EYS: variants seen among roughly 807,000 people sequenced by gnomAD.
The protein encoded by EYS is protein eyes shut homolog.
A neutral mutation model predicts 282.1 loss-of-function variants in EYS; 250 were observed. The ratio of observed to expected loss-of-function variants is 0.89; its 90% CI spans 0.80 to 0.98. The LOEUF (loss-of-function observed/expected upper bound fraction) is 0.98. EYS is among the 50% of genes least tolerant of loss of function. The pLI is 0.00. For missense variants in EYS, 4,016 were observed against 3,709.0 expected, an observed-to-expected ratio of 1.08 and a Z score of -2.15; for synonymous variants, 1,355 against 1,282.9, an observed-to-expected ratio of 1.06 and a Z score of -1.20.
intron 31 of EYS, among the ~76,000 whole-genome samples, chr6:64,197,078 G>A (rs13203058): frequency 0.26 from 38,825 of 151,708 alleles, 5,450 homozygotes; most frequent in East Asian, 0.44. Context: ...TATCACCTAG[G>A]TCTCAGGGCG....
intron 26 of EYS, among the ~76,000 whole-genome samples, chr6:64,561,729 T>A (rs1361683890): frequency 6.6e-6 from 1 of 151,860 alleles, no homozygotes; most frequent in Non-Finnish European, 1.5e-5. Flanking sequence ...AGAATCAATA[T>A]CATTAAAATG....
intron 41 of EYS, among the ~76,000 whole-genome samples, chr6:63,759,657 A>G (rs1769582302): frequency 6.6e-6 from 1 of 152,128 alleles, no homozygotes; most frequent in Admixed American, 6.6e-5. Flanking sequence ...GTGGGATTGA[A>G]AGTAGTGAAA....
At chr6:65,046,069 GGT>G (rs1773091393) in intron 13 of EYS, among the ~76,000 whole-genome samples, 4 of 151,812 alleles carry the variant, frequency 2.6e-5, no homozygotes, top group Non-Finnish European at 5.9e-5. Flanking sequence ...AGACTCAAGA[GGT>G]GGGATTACAT....
At chr6:64,763,795 G>A (rs974542848) in intron 22 of EYS, among the ~76,000 whole-genome samples, 1 of 151,996 alleles carries the variant, frequency 6.6e-6, no homozygotes, top group Non-Finnish European at 1.5e-5. Flanking sequence ...TACACAAATT[G>A]GATAAATCCT....
At chr6:64,035,504 A>C (rs1582176644) in intron 33 of EYS, among the ~76,000 whole-genome samples, 1 of 152,326 alleles carries the variant, frequency 6.6e-6, no homozygotes, top group South Asian at 2.1e-4. Flanking sequence ...GGTCTTGCAA[A>C]TACTCCGATG....
At chr6:64,193,317 CTT>C (rs902068121) in intron 31 of EYS, among the ~76,000 whole-genome samples, 1 of 146,750 alleles carries the variant, frequency 6.8e-6, no homozygotes. Flanking sequence ...ATTGTTTTTT[CTT>C]TTTTTTTTGG....
chr6:64,688,386 C>CT (rs1334473645), intron 22 of EYS, among the ~76,000 whole-genome samples: 1 of 152,138 alleles, frequency 6.6e-6, no homozygotes, highest in African/African-American at 2.4e-5. Context: ...CCTCTACACA[C>CT]TGCTTTGAAT....
chr6:64,093,486 A>T (rs1772452519), intron 31 of EYS, among the ~76,000 whole-genome samples: 1 of 152,014 alleles, frequency 6.6e-6, no homozygotes, highest in Admixed American at 6.5e-5. Context: ...TGTCAGTTGG[A>T]TTCCTAGGTA....
intron 37 of EYS, among the ~76,000 whole-genome samples, chr6:63,802,508 T>G (rs1467569680): frequency 1.3e-5 from 2 of 151,928 alleles, no homozygotes; most frequent in Non-Finnish European, 2.9e-5. Context: ...GCACCTAAGA[T>G]TCTTGATAAA....
chr6:64,230,626 A>G lies in EYS; in HGVS notation c.6390T>C (p.Cys2130=). Residue 2130 remains cysteine, a synonymous_variant, in exon 31 of 43, where the codon TGT becomes TGC. Transcript: ENST00000503581. ...SSGIVSFQCD[C]PLHFTGRFCE... ...AGAAGCGGCCAGTGAAATGTAGTGG[A>G]CAGTCACATTGGAATGACACTATGC... 2.6e-6 allele frequency: 4 copies of G among 1,551,390 alleles called. No individual in the cohort carries two copies. Among genetic ancestry groups the G allele is most frequent in the African/African-American group, 2.7e-5 (2 of 73,168 alleles).
intron 26 of EYS, among the ~76,000 whole-genome samples, chr6:64,470,530 G>A (rs2150491896): frequency 6.6e-6 from 1 of 152,080 alleles, no homozygotes; most frequent in Non-Finnish European, 1.5e-5. Context: ...TTTTGCCCTG[G>A]TTTACACTGG....
chr6:64,308,493 A>C (rs1769543262), intron 29 of EYS, among the ~76,000 whole-genome samples: 1 of 152,068 alleles, frequency 6.6e-6, no homozygotes, highest in South Asian at 2.1e-4. Flanking sequence ...ATAAGCTCTT[A>C]ATATTACTAA....
At chr6:64,840,212 G>A (rs2150034241) in intron 19 of EYS, among the ~76,000 whole-genome samples, 1 of 152,158 alleles carries the variant, frequency 6.6e-6, no homozygotes, top group Middle Eastern at 3.4e-3. Context: ...ATTGCTATAA[G>A]ATTATCATGG....
intron 28 of EYS, among the ~76,000 whole-genome samples, chr6:64,416,005 C>T (rs1240819310): frequency 6.6e-6 from 1 of 152,154 alleles, no homozygotes; most frequent in Non-Finnish European, 1.5e-5. Flanking sequence ...GTATAAAAGG[C>T]TACTTTCAGC....
At chr6:64,688,232 T>C (rs1770233265) in intron 22 of EYS, among the ~76,000 whole-genome samples, 2 of 152,202 alleles carry the variant, frequency 1.3e-5, no homozygotes, top group South Asian at 4.1e-4. Flanking sequence ...CCTTCAGTTC[T>C]GCTTTGATCT....
rs928579619 is a variant in EYS, at chr6:64,373,439, C to T, written c.6078+15251G>A. On this transcript the variant is annotated intron_variant, in intron 29 of 42. Coordinates refer to ENST00000503581, the MANE Select transcript of EYS (RefSeq NM_001142800.2). The stretch of plus-strand genomic sequence containing the variant: ...CAGACAAGCTGTATTGTCAGGTTGG[C>T]CCTAAACTGCTGTCTGTGTGCTTCA... Among the ~76,000 whole-genome samples the T allele has an allele frequency of 3.3e-5, 5 of 152,132 alleles. No homozygotes were observed. In the East Asian group the frequency reaches 9.7e-4, roughly 29 times the overall value.
chr6:63,851,591 T>C (rs1407066952), intron 36 of EYS, among the ~76,000 whole-genome samples: 1 of 151,996 alleles, frequency 6.6e-6, no homozygotes, highest in Non-Finnish European at 1.5e-5. Flanking sequence ...ATAAAGAAAT[T>C]AAGGCAGAAA....
chr6:64,447,226 G>C (rs1288421093), intron 26 of EYS, among the ~76,000 whole-genome samples: 3 of 151,396 alleles, frequency 2.0e-5, no homozygotes, highest in African/African-American at 7.4e-5. Flanking sequence ...CTCTAAAGAA[G>C]AGCTTGAATT....
At chr6:64,992,078 C>T (rs756548163) in intron 14 of EYS, among the ~76,000 whole-genome samples, 1 of 151,784 alleles carries the variant, frequency 6.6e-6, no homozygotes, top group Non-Finnish European at 1.5e-5. Flanking sequence ...AAGCACGTGT[C>T]TTTTCAAAAG....
Sources: gnomAD v4.1 joint callset for allele counts (sites outside exome capture counted in the v4.1 genomes callset) on GRCh38, gnomAD v4.1.1 for gene constraint, MANE v1.5 for transcripts, NCBI Gene and HGNC (gene_info 2026-07-23, HGNC 2026-07-21) for gene names.